Variants in AP1B1 observed in about 807,000 individuals in gnomAD.
AP1B1 encodes AP-1 complex subunit beta-1.
In AP1B1, 36 loss-of-function variants were observed where a neutral mutation model predicts 104.3. That is an observed-to-expected ratio of 0.35 (90% CI 0.26 to 0.46). AP1B1 has a LOEUF of 0.46. Ranked by LOEUF, AP1B1 falls within the 20% of genes least tolerant of loss-of-function variation. AP1B1 has a pLI of 1.00. For synonymous variants in AP1B1, 504 were observed against 517.5 expected (o/e 0.97, Z 0.35); for missense variants, 901 against 1,247.9 (o/e 0.72, Z 4.19).
intron 21 of AP1B1, 49 bp from the exon 22 acceptor site, chr22:29,329,769 A>T: frequency 6.2e-7 from 1 of 1,611,828 alleles, no homozygotes; most frequent in East Asian, 2.2e-5. Context: ...AACCAAACAC[A>T]GGGAGACGGA....
At chr22:29,338,853 G>C (rs996329074) in intron 16 of AP1B1, 137 bp downstream of exon 16, 64 of 1,263,476 alleles carry the variant, frequency 5.1e-5, no homozygotes, top group Middle Eastern at 2.0e-4. Context: ...CTCTTCCTCG[G>C]TGCCCCTGTG....
chr22:29,352,700 A>G (rs963932088), intron 7 of AP1B1, among the ~76,000 whole-genome samples: 7 of 152,186 alleles, frequency 4.6e-5, no homozygotes, highest in Admixed American at 2.6e-4. Flanking sequence ...AGGCTGGGGC[A>G]GGAGGATTGC....
chr22:29,368,687 A>G (rs916271927), intron 1 of AP1B1, among the ~76,000 whole-genome samples: 2 of 151,460 alleles, frequency 1.3e-5, no homozygotes, highest in South Asian at 2.1e-4. Context: ...CCTATGCTCT[A>G]TTGAAGGAAT....
At chr22:29,339,707 G>A (rs1356713677) in intron 15 of AP1B1, 47 bp downstream of exon 15, 16 of 1,603,308 alleles carry the variant, frequency 1.0e-5, no homozygotes, top group East Asian at 2.3e-5. Context: ...CAGCGCTTTC[G>A]GGAGGAGCAA....
chr22:29,352,331 AAAG>A (rs2061889432), intron 7 of AP1B1, among the ~76,000 whole-genome samples: 1 of 152,268 alleles, frequency 6.6e-6, no homozygotes, highest in Non-Finnish European at 1.5e-5. Context: ...CCATTTGTAC[AAAG>A]AATACAGTTT....
At chr22:29,365,130 A>G (rs2062113603) in intron 2 of AP1B1, among the ~76,000 whole-genome samples, 1 of 152,190 alleles carries the variant, frequency 6.6e-6, no homozygotes, top group Admixed American at 6.5e-5. Context: ...AGGCTCAGTA[A>G]CGTATAGCCA....
chr22:29,334,077 C>A (rs551007051), intron 17 of AP1B1, among the ~76,000 whole-genome samples, 188 bp downstream of exon 17: 15 of 152,228 alleles, frequency 9.9e-5, no homozygotes, highest in Admixed American at 9.2e-4. Context: ...AAAGAAAAAA[C>A]AAACAAACAA....
chr22:29,374,996 CAT>C (rs2062311215), intron 1 of AP1B1, among the ~76,000 whole-genome samples: 1 of 152,128 alleles, frequency 6.6e-6, no homozygotes, highest in Non-Finnish European at 1.5e-5. Flanking sequence ...CAACTCTATA[CAT>C]AAATAAAATG....
At chr22:29,337,406 C>T (rs2147946544) in intron 16 of AP1B1, among the ~76,000 whole-genome samples, 1 of 152,286 alleles carries the variant, frequency 6.6e-6, no homozygotes, top group East Asian at 1.9e-4. Flanking sequence ...GTGCCCAGAC[C>T]CTGCCAGGGG....
chr22:29,359,989 A>AC (rs774432470), intron 3 of AP1B1, 30 bp from the exon 4 acceptor site: 2 of 1,605,068 alleles, frequency 1.2e-6, no homozygotes, highest in African/African-American at 2.7e-5. Context: ...TCAGCATGGG[A>AC]AAGGCTGAAC....
At chr22:29,367,316 C>G (rs2062159254) in intron 1 of AP1B1, 46 bp from the exon 2 acceptor site, 1 of 898,084 alleles carries the variant, frequency 1.1e-6, no homozygotes, top group South Asian at 1.3e-5. Flanking sequence ...ATGCTCCATC[C>G]CATCTTCAGT....
intron 13 of AP1B1, 108 bp from the exon 14 acceptor site, chr22:29,340,965 CA>C: frequency 8.7e-7 from 1 of 1,146,818 alleles, no homozygotes; most frequent in Non-Finnish European, 1.2e-6. Context: ...TGAGTCTCCT[CA>C]CTGTCCCCGA....
intron 11 of AP1B1, among the ~76,000 whole-genome samples, chr22:29,343,748 G>A (rs1424600283): frequency 6.6e-6 from 1 of 152,202 alleles, no homozygotes; most frequent in African/African-American, 2.4e-5. Context: ...GCTTCTCTGA[G>A]TCAGTTTCCT....
At chr22:29,337,730 A>C (rs1396939782) in intron 16 of AP1B1, among the ~76,000 whole-genome samples, 1 of 151,282 alleles carries the variant, frequency 6.6e-6, no homozygotes, top group Non-Finnish European at 1.5e-5. Flanking sequence ...CCCAAACTCA[A>C]CTCTCCTTCC....
intron 18 of AP1B1, 110 bp from the exon 19 acceptor site, chr22:29,331,643 C>CA: frequency 6.4e-7 from 1 of 1,573,466 alleles, no homozygotes; most frequent in African/African-American, 1.3e-5. Flanking sequence ...CTGGTAAACA[C>CA]ACCCCTTCGT....
chr22:29,350,023 G>A lies in AP1B1; in HGVS notation c.1271+12C>T. 6 of 1,608,866 alleles carry A rather than the reference G, an allele frequency of 3.7e-6. No homozygotes were observed. The highest frequency in any genetic ancestry group is 4.3e-6 in the Non-Finnish European group (5 of 1,175,222). On this transcript the variant is annotated intron_variant, in intron 10 of 22. Coordinates refer to ENST00000357586, the MANE Select transcript of AP1B1 (RefSeq NM_001127.4). ...AGCTAGATGCCCTCTCCCTAGGAGG[G>A]CGGGCACGCACTTGTTGGGGTACTT...
At chr22:29,329,210 G>A in intron 22 of AP1B1, 1 of 1,222,798 alleles carries the variant, frequency 8.2e-7, no homozygotes, top group Non-Finnish European at 1.0e-6. Context: ...GGGCTGCCCG[G>A]CCCCCCAGAG....
intron 16 of AP1B1, 147 bp from the exon 17 acceptor site, chr22:29,334,557 C>T (rs745415051): frequency 4.5e-6 from 4 of 881,092 alleles, no homozygotes; most frequent in Non-Finnish European, 6.7e-6. Flanking sequence ...AGGGGATGAA[C>T]AGGTGTGTAC....
intron 11 of AP1B1, among the ~76,000 whole-genome samples, chr22:29,343,454 A>C (rs184811360): frequency 5.9e-5 from 9 of 152,338 alleles, no homozygotes; most frequent in African/African-American, 2.2e-4. Context: ...CAGAGTCTGC[A>C]ATTTGGTTAC....
Sources: gnomAD v4.1 joint callset for allele counts (sites outside exome capture counted in the v4.1 genomes callset) on GRCh38, gnomAD v4.1.1 for gene constraint, MANE v1.5 for transcripts, NCBI Gene and HGNC (gene_info 2026-07-23, HGNC 2026-07-21) for gene names.